The following NR3C2 variants were observed in gnomAD, a reference collection of about 807,000 sequenced individuals.
NR3C2 encodes nuclear receptor subfamily 3 group C member 2.
In NR3C2, 15 loss-of-function variants were observed where a neutral mutation model predicts 86.4. The observed-to-expected ratio is 0.17, with a 90% confidence interval of 0.12 to 0.27. NR3C2 has a LOEUF of 0.27. NR3C2 is among the 10% of genes least tolerant of loss of function. The pLI is 1.00. For synonymous variants in NR3C2, 458 were observed against 450.5 expected (o/e 1.02, Z -0.21); for missense variants, 960 against 1,195.6 (o/e 0.80, Z 2.91).
intron 5 of NR3C2, among the ~76,000 whole-genome samples, chr4:148,153,534 T>C (rs1411711569): frequency 6.6e-6 from 1 of 152,198 alleles, no homozygotes; most frequent in African/African-American, 2.4e-5. Context: ...TTTTTCTGCC[T>C]GTGGAGTTTC....
rs540340484 is a variant in NR3C2, at chr4:148,183,431, CCCA to C, written c.2014+11312_2014+11314del. Among the ~76,000 whole-genome samples the C allele has an allele frequency of 4.8e-3, 732 of 152,306 alleles. 7 individuals are homozygous for C. Among genetic ancestry groups the C allele is most frequent in the Non-Finnish European group, 7.6e-3 (517 of 68,016 alleles). ...CACAATGGTTGAACTAGTTTACACTCCCACCAACAGTGTAAAAGCATTCCTATT... is the reference window on the plus strand; with the variant it reads ...CACAATGGTTGAACTAGTTTACACTCCCAACAGTGTAAAAGCATTCCTATT... On this transcript the variant is annotated intron_variant, in intron 4 of 8. Transcript: ENST00000358102.
intron 2 of NR3C2, among the ~76,000 whole-genome samples, chr4:148,291,748 T>G (rs6535598): frequency 0.49 from 74,419 of 151,906 alleles, 18,510 homozygotes; most frequent in Middle Eastern, 0.65. Flanking sequence ...TACTAATGTA[T>G]AGATGCCCCC....
chr4:148,145,802 T>C (rs1733841320), intron 6 of NR3C2, among the ~76,000 whole-genome samples: 1 of 152,100 alleles, frequency 6.6e-6, no homozygotes, highest in African/African-American at 2.4e-5. Flanking sequence ...GTTTCCTTCT[T>C]TTAAACTTTA....
intron 4 of NR3C2, among the ~76,000 whole-genome samples, chr4:148,172,015 TG>T (rs1201355912): frequency 6.6e-6 from 1 of 152,218 alleles, no homozygotes; most frequent in Non-Finnish European, 1.5e-5. Context: ...GGGAGTTTAC[TG>T]CACTAAGCTC....
At position 148,436,807 on chromosome 4, in the gene NR3C2, C is replaced by T. The variant is rs1750104038; in HGVS notation, c.54G>A (p.Arg18=). Residue 18 remains arginine (R), a synonymous_variant, in exon 2 of 9, where the codon CGG becomes CGA. Coordinates refer to ENST00000358102, the MANE Select transcript of NR3C2 (RefSeq NM_000901.5). The part of the protein sequence containing the change: ...SLPEGLDMER[R]WGQVSQAVER... ...CCACAGCCTGAGAAACTTGACCCCA[C>T]CGTCTTTCCATATCTAGACCTTCAG... The T allele has an allele frequency of 6.2e-7, 1 of 1,612,934 alleles. No homozygotes were observed. Among genetic ancestry groups the T allele is most frequent in the African/African-American group, 1.3e-5 (1 of 74,918 alleles).
At chr4:148,319,744 C>T (rs1338749671) in intron 2 of NR3C2, among the ~76,000 whole-genome samples, 9 of 150,832 alleles carry the variant, frequency 6.0e-5, no homozygotes, top group Admixed American at 3.9e-4. Flanking sequence ...TGAGACTTTG[C>T]TGAAGTTGCT....
At chr4:148,342,528 T>C (rs1744796972) in intron 2 of NR3C2, among the ~76,000 whole-genome samples, 1 of 152,166 alleles carries the variant, frequency 6.6e-6, no homozygotes, top group South Asian at 2.1e-4. Flanking sequence ...AGTATACACC[T>C]GTATTTCATA....
At chr4:148,261,247 G>A (rs2149873198) in intron 2 of NR3C2, among the ~76,000 whole-genome samples, 2 of 151,792 alleles carry the variant, frequency 1.3e-5, no homozygotes, top group South Asian at 4.2e-4. Flanking sequence ...AAGCGCTATG[G>A]TGCACTATGG....
chr4:148,344,767 C>T (rs1359605456), intron 2 of NR3C2, among the ~76,000 whole-genome samples: 4 of 152,094 alleles, frequency 2.6e-5, no homozygotes, highest in Admixed American at 6.6e-5. Flanking sequence ...TGAGAAAAAA[C>T]GGGAATGACA....
intron 2 of NR3C2, among the ~76,000 whole-genome samples, chr4:148,358,360 A>C (rs1227856796): frequency 6.6e-6 from 1 of 151,734 alleles, no homozygotes. Flanking sequence ...TGTCAGTCAA[A>C]TATCGCAAGA....
rs144578677 is a variant in NR3C2 at position 148,382,610 on chromosome 4, G to A, written c.1757+52494C>T. Among the ~76,000 whole-genome samples the A allele has an allele frequency of 7.2e-4, 110 of 152,246 alleles. 1 individual carries two copies. Among genetic ancestry groups the A allele is most frequent in the African/African-American group, 2.2e-3 (92 of 41,552 alleles). ...TAAATGCAATAACTGAGTGTTTATA[G>A]CACATAAAATTAATGTCTATAATTT... On this transcript the variant is annotated intron_variant, in intron 2 of 8. Coordinates refer to ENST00000358102, the MANE Select transcript of NR3C2 (RefSeq NM_000901.5).
upstream of NR3C2, chr4:148,444,243 T>C: frequency 1.0e-6 from 1 of 985,372 alleles, no homozygotes; most frequent in East Asian, 1.1e-4. Flanking sequence ...TTACTAAGTT[T>C]TTATCTCCTT....
chr4:148,129,961 C>T (rs1732940608), intron 6 of NR3C2, among the ~76,000 whole-genome samples: 1 of 152,150 alleles, frequency 6.6e-6, no homozygotes. Context: ...TGTTAGCATT[C>T]AGGTGATTCA....
At chr4:148,262,877 T>C (rs1208709903) in intron 2 of NR3C2, among the ~76,000 whole-genome samples, 7 of 152,154 alleles carry the variant, frequency 4.6e-5, no homozygotes, top group East Asian at 3.9e-4. Flanking sequence ...ATCTGTTAAA[T>C]TTTATTCGTT....
At chr4:148,113,972 C>T (rs1213171678) in intron 8 of NR3C2, 132 bp downstream of exon 8, 21 of 1,075,858 alleles carry the variant, frequency 2.0e-5, no homozygotes, top group East Asian at 1.3e-4. Context: ...TTGGACATGG[C>T]GATATCCTTA....
At chr4:148,339,374 T>C (rs1744641720) in intron 2 of NR3C2, among the ~76,000 whole-genome samples, 1 of 152,162 alleles carries the variant, frequency 6.6e-6, no homozygotes, top group Non-Finnish European at 1.5e-5. Flanking sequence ...AGTAGGCAAC[T>C]CTAAAATGAT....
intron 3 of NR3C2, among the ~76,000 whole-genome samples, chr4:148,225,197 C>G (rs753834019): frequency 1.3e-5 from 2 of 152,100 alleles, no homozygotes; most frequent in Admixed American, 6.6e-5. Context: ...CTAGCTTACT[C>G]AAGAAGCTAG....
At chr4:148,284,433 T>C (rs953083195) in intron 2 of NR3C2, among the ~76,000 whole-genome samples, 2 of 152,188 alleles carry the variant, frequency 1.3e-5, no homozygotes, top group African/African-American at 4.8e-5. Context: ...TGAGTGTCGA[T>C]AGCTCATGAC....
At chr4:148,438,197 A>G (rs1460352413) in intron 1 of NR3C2, among the ~76,000 whole-genome samples, 1 of 152,142 alleles carries the variant, frequency 6.6e-6, no homozygotes, top group African/African-American at 2.4e-5. Flanking sequence ...GGAGGTCAAT[A>G]ATGCATTGCT....
Sources: allele counts gnomAD v4.1 joint callset (sites outside exome capture counted in the v4.1 genomes callset), GRCh38; gene constraint gnomAD v4.1.1; transcripts MANE v1.5; gene names NCBI Gene and HGNC (gene_info 2026-07-23, HGNC 2026-07-21).